PSG3: variants seen among roughly 807,000 people sequenced by gnomAD.
PSG3 encodes pregnancy specific beta-1-glycoprotein 3.
In PSG3, 61 loss-of-function variants were observed where a neutral mutation model predicts 47.5. The observed-to-expected ratio is 1.28, with a 90% CI of 1.05 to 1.59. PSG3 has a LOEUF of 1.59. Ranked by LOEUF, PSG3 falls within the 40% of genes most tolerant of loss-of-function variation. PSG3 has a pLI of 0.00. For synonymous variants in PSG3, 263 were observed against 198.4 expected (o/e 1.33, Z -2.74); for missense variants, 756 against 524.0 (o/e 1.44, Z -4.32).
intron 2 of PSG3, among the ~76,000 whole-genome samples, chr19:42,738,210 G>A (rs2122198768): frequency 6.6e-6 from 1 of 152,316 alleles, no homozygotes; most frequent in African/African-American, 2.4e-5. Flanking sequence ...AACAGCTCCA[G>A]GAGACACAGT....
Position 42,735,896 on chromosome 19 carries a change from T to G in PSG3, c.430+2828A>C, listed in dbSNP as rs1201164270. Among the ~76,000 whole-genome samples, 7 of 152,156 alleles carry G rather than the reference T, an allele frequency of 4.6e-5. No homozygotes were observed. The South Asian group carries it at 1.5e-3, about 32-fold the overall frequency. ...TGCAGGCCTGTCCAGCCTCTGACAC[T>G]CTGGTGAGTCAGTGCTAAGATTACA... On this transcript the variant is annotated intron_variant, in intron 2 of 6. Transcript: ENST00000327495.
In PSG3 at chr19:42,732,586, A is replaced by G; in HGVS notation, c.709+198T>C. 3.1e-6 allele frequency: 4 copies of G among 1,300,028 alleles called. No individual in the cohort carries two copies. The South Asian group carries it at 5.7e-5, about 19-fold the overall frequency. 80.5% of individuals were successfully genotyped at this position (1,300,028 alleles called of 1,614,324 possible). ...CTGTGGACGCTGAGTCTCCCATGACAGGAGCAGCCTCTTTTCTCCTATTGT... is the reference window on the plus strand; with the variant it reads ...CTGTGGACGCTGAGTCTCCCATGACGGGAGCAGCCTCTTTTCTCCTATTGT... On this transcript the variant is annotated intron_variant, in intron 3 of 6. Transcript: ENST00000327495.
intron 5 of PSG3, among the ~76,000 whole-genome samples, chr19:42,727,565 C>G (rs566138149): frequency 6.6e-6 from 1 of 152,274 alleles, no homozygotes; most frequent in East Asian, 1.9e-4. Context: ...TGTTACACCA[C>G]CTCACACACT....
At chr19:42,729,748 C>G in intron 4 of PSG3, 30 bp downstream of exon 4, 6 of 1,588,890 alleles carry the variant, frequency 3.8e-6, no homozygotes, top group Non-Finnish European at 5.1e-6. Flanking sequence ...AGCTGGTGTC[C>G]TGGCCCACAG....
intron 5 of PSG3, among the ~76,000 whole-genome samples, chr19:42,725,930 A>ATTAC (rs1403141345): frequency 6.6e-6 from 1 of 151,444 alleles, no homozygotes; most frequent in Non-Finnish European, 1.5e-5. Flanking sequence ...AAATGAAGCG[A>ATTAC]TTACTACCAA....
At position 42,722,019 on chromosome 19, in the gene PSG3, TCTC is replaced by T. The variant is rs1369362768; in HGVS notation, c.*109_*111del. The T allele has an allele frequency of 7.2e-6, 3 of 416,376 alleles. No individual in the cohort carries two copies. Among genetic ancestry groups the T allele is most frequent in the Non-Finnish European group, 1.3e-5 (3 of 227,094 alleles). 25.8% of individuals were successfully genotyped at this position (416,376 alleles called of 1,614,324 possible). ...GTCCTTGTCAGAGTCTTTTCATAAA[TCTC>T]CTTGAACAAAAAGCAATTTTGGACT... is the stretch of plus-strand genomic sequence containing the variant. On this transcript the variant is annotated 3_prime_UTR_variant, in exon 7 of 7. Coordinates refer to ENST00000327495, the MANE Select transcript of PSG3 (RefSeq NM_021016.4).
At chr19:42,727,509 T>A (rs1600380688) in intron 5 of PSG3, among the ~76,000 whole-genome samples, 2 of 152,322 alleles carry the variant, frequency 1.3e-5, no homozygotes, top group East Asian at 1.9e-4. Flanking sequence ...CATGCAAAGT[T>A]CCTCAGCATC....
rs1338110291 is a variant in PSG3, at chr19:42,729,266, G to T, written c.1100C>A (p.Thr367Lys). 1.2e-6 allele frequency: 2 copies of T among 1,614,088 alleles called. No homozygotes were observed. Among genetic ancestry groups the T allele is most frequent in the African/African-American group, 2.7e-5 (2 of 75,046 alleles). The change falls in exon 5 of 7, where the codon ACA becomes AAA. Residue 367 changes from threonine (T) to lysine (K), a missense_variant. Transcript: ENST00000327495. ...DSNPPAEYSW[T>K]INGKFQLSGQ... The stretch of plus-strand genomic sequence containing the variant: ...TGATAGCTGAAACTTCCCATTAATT[G>T]TCCAAGAATATTCTGCTGGTGGGTT...
chr19:42,733,017 C>G lies in PSG3; in HGVS notation c.476G>C (p.Arg159Thr). 6.2e-7 allele frequency: 1 copy of G among 1,614,162 alleles called. No homozygotes were observed. ...TAAGCTCACAGCCTCCATGTCCTCC[C>G]TGGGGTATAAGTTGCTGCTGGAGAT... ...PSISSSNLYPREDMEAVSLTC... is the reference protein window; with the variant it reads ...PSISSSNLYPTEDMEAVSLTC... Residue 159 changes from arginine (R) to threonine (T), a missense_variant, in exon 3 of 7, where the codon AGG (arginine) becomes ACG (threonine). Physicochemically the swap from Arg to Thr is moderately conservative, Grantham distance 71 (BLOSUM62 -1). Transcript: ENST00000327495.
In PSG3 at chr19:42,739,028, T is replaced by G; in HGVS notation, c.126A>C (p.Pro42=). The G allele has an allele frequency of 6.2e-7, 1 of 1,613,840 alleles. No homozygotes were observed. Among genetic ancestry groups the G allele is most frequent in the Non-Finnish European group, 8.5e-7 (1 of 1,179,810 alleles). Residue 42 remains proline (P), a synonymous_variant, in exon 2 of 7, where the codon CCA becomes CCC. Coordinates refer to ENST00000327495, the MANE Select transcript of PSG3 (RefSeq NM_021016.4). ...TTAQVTIEAE[P]TKVSKGKDVL... is the part of the protein sequence containing the mutation. ...CGTCCTTCCCCTTGGAAACTTTGGT[T>G]GGCTCGGCTTCAATCGTGACTTGGG...
At chr19:42,739,863 C>T (rs886815422) in intron 1 of PSG3, among the ~76,000 whole-genome samples, 1 of 152,184 alleles carries the variant, frequency 6.6e-6, no homozygotes, top group Admixed American at 6.5e-5. Flanking sequence ...GTTCCTGTGA[C>T]TTTCCTGTTT....
Position 42,732,835 on chromosome 19 carries a change from G to A in PSG3, c.658C>T (p.Arg220Trp), listed in dbSNP as rs369614691. Residue 220 changes from arginine to tryptophan, a missense_variant, in exon 3 of 7, where the codon CGG (arginine) becomes TGG (tryptophan). Physicochemically the swap from Arg to Trp is moderately radical, Grantham distance 101 (BLOSUM62 -3). Transcript: ENST00000327495. ...YTAGPYECEI[R>W]NPVSASRSDP... Reference sequence around the variant, plus strand: ...CTGCGGCTGGCACTCACTGGGTTCCGTATTTCACATTCATAGGGTCCTGCA... The same window carrying A: ...CTGCGGCTGGCACTCACTGGGTTCCATATTTCACATTCATAGGGTCCTGCA... 117 of 1,614,182 alleles carry A rather than the reference G, an allele frequency of 7.2e-5. No homozygotes were observed. Among genetic ancestry groups the A allele is most frequent in the African/African-American group, 1.9e-4 (14 of 75,040 alleles).
intron 6 of PSG3, among the ~76,000 whole-genome samples, chr19:42,722,843 G>T (rs539514025): frequency 1.1e-4 from 17 of 152,148 alleles, no homozygotes; most frequent in Non-Finnish European, 2.1e-4. Flanking sequence ...TACAACAAGA[G>T]TTCTCCATCC....
intron 3 of PSG3, among the ~76,000 whole-genome samples, chr19:42,730,964 T>A (rs1969463736): frequency 6.6e-6 from 1 of 152,178 alleles, no homozygotes; most frequent in Admixed American, 6.5e-5. Flanking sequence ...ATGAGACAAA[T>A]TTGGAGAGAA....
At chr19:42,736,730 G>T (rs1340465425) in intron 2 of PSG3, among the ~76,000 whole-genome samples, 4 of 151,406 alleles carry the variant, frequency 2.6e-5, no homozygotes, top group Non-Finnish European at 5.9e-5. Flanking sequence ...CTGTCCCATG[G>T]TCTTGTCCAC....
intron 3 of PSG3, among the ~76,000 whole-genome samples, chr19:42,730,375 G>A (rs1969453423): frequency 6.6e-6 from 1 of 152,152 alleles, no homozygotes; most frequent in Non-Finnish European, 1.5e-5. Flanking sequence ...TGACTGGCTG[G>A]CTCACCCTGG....
intron 5 of PSG3, among the ~76,000 whole-genome samples, chr19:42,728,447 C>T (rs1194683644): frequency 1.3e-5 from 2 of 152,174 alleles, no homozygotes; most frequent in Non-Finnish European, 2.9e-5. Context: ...ACTTCAGAGC[C>T]AGGACACAGC....
chr19:42,724,044 A>T lies in PSG3; in HGVS notation c.1244-19T>A, dbSNP rs1253489163. 2.5e-6 allele frequency: 4 copies of T among 1,604,652 alleles called. No homozygotes were observed. Among genetic ancestry groups the T allele is most frequent in the Admixed American group, 3.3e-5 (2 of 59,994 alleles). On this transcript the variant is annotated intron_variant, in intron 5 of 6. Coordinates refer to ENST00000327495, the MANE Select transcript of PSG3 (RefSeq NM_021016.4). ...GAAGGAGCTGTCATGGAAAAAAAAG[A>T]AAAGAAGGAATGAAGATGATGTTAT... is the stretch of plus-strand genomic sequence containing the variant.
rs554946037 is a variant in PSG3 at position 42,738,748 on chromosome 19, C to G, written c.406G>C (p.Gly136Arg). ...CGGTATAAGGTGAAGGTGAAATGTC[C>G]AGTTTCTCCTCTAGTCCCATCACCT... The part of the protein sequence containing the change: ...KRGDGTRGET[G>R]HFTFTLYLET... Residue 136 changes from glycine to arginine, a missense_variant, in exon 2 of 7, where the codon GGA (glycine) becomes CGA (arginine). Coordinates refer to ENST00000327495, the MANE Select transcript of PSG3 (RefSeq NM_021016.4). 2.3e-5 allele frequency: 37 copies of G among 1,613,914 alleles called. No homozygotes were observed. In the South Asian group the frequency reaches 3.8e-4, roughly 17 times the overall value.
Sources: allele counts gnomAD v4.1 joint callset (sites outside exome capture counted in the v4.1 genomes callset), GRCh38; gene constraint gnomAD v4.1.1; transcripts MANE v1.5; gene names NCBI Gene and HGNC (gene_info 2026-07-23, HGNC 2026-07-21).